CTNND2: variants seen among roughly 807,000 people sequenced by gnomAD.
The protein encoded by CTNND2 is catenin delta-2.
Under a neutral mutation model 144.4 loss-of-function variants are expected in CTNND2, and 22 were observed. That is an observed-to-expected ratio of 0.15 (90% confidence interval 0.11 to 0.22). CTNND2 has a LOEUF of 0.22. Ranked by LOEUF, CTNND2 falls within the 10% of genes least tolerant of loss-of-function variation. The pLI, the probability that CTNND2 is intolerant of heterozygous loss-of-function variation, is 1.00. For synonymous variants in CTNND2, 751 were observed against 695.6 expected (o/e 1.08, Z -1.25); for missense variants, 1,353 against 1,618.8 (o/e 0.84, Z 2.82).
chr5:11,569,261 A>G (rs768365822), intron 2 of CTNND2, among the ~76,000 whole-genome samples: 87 of 152,334 alleles, frequency 5.7e-4, no homozygotes, highest in South Asian at 1.0e-3. Context: ...GAGCAGTGTT[A>G]GAAAGCCTAA....
At position 11,315,993 on chromosome 5, in the gene CTNND2, G is replaced by T. The variant is rs548743158; in HGVS notation, c.1628+30379C>A. On this transcript the variant is annotated intron_variant, in intron 9 of 21. Transcript: ENST00000304623. ...GGATTAAAATGCCTGTTGAGACCAA[G>T]AGGAAAAGAGCATTTATCCTGTTAA... 1.6e-3 allele frequency among the ~76,000 whole-genome samples: 240 copies of T among 152,294 alleles called. 1 individual carries two copies. Among genetic ancestry groups the T allele is most frequent in the African/African-American group, 5.5e-3 (229 of 41,556 alleles).
chr5:11,145,022 A>C (rs1214984285), intron 12 of CTNND2, among the ~76,000 whole-genome samples: 1 of 152,096 alleles, frequency 6.6e-6, no homozygotes, highest in Non-Finnish European at 1.5e-5. Context: ...ATTTATGTGC[A>C]TGACTGCAGG....
At chr5:11,674,363 T>G (rs10060031) in intron 2 of CTNND2, among the ~76,000 whole-genome samples, 27,347 of 152,154 alleles carry the variant, frequency 0.18, 4,301 homozygotes, top group African/African-American at 0.42. Context: ...CTTAACTTAT[T>G]AATTTTAGCG....
rs532129539 is a variant in CTNND2 at position 11,777,349 on chromosome 5, A to G, written c.38-45077T>C. On this transcript the variant is annotated intron_variant, in intron 1 of 21. Transcript: ENST00000304623. ...CTAGAACCATCACAGTCCATTGACT[A>G]TTGGTTATAAAACACTTCTTCAGTC... is the stretch of plus-strand genomic sequence containing the variant. Among the ~76,000 whole-genome samples, 3 of 152,352 alleles carry G rather than the reference A, an allele frequency of 2.0e-5. No homozygotes were observed. In the South Asian group the frequency reaches 6.2e-4, roughly 32 times the overall value.
chr5:11,164,393 T>C (rs1759093769), intron 11 of CTNND2, among the ~76,000 whole-genome samples: 2 of 152,216 alleles, frequency 1.3e-5, no homozygotes, highest in African/African-American at 4.8e-5. Context: ...CTTCCTATGG[T>C]AGCCTCATGA....
At chr5:11,102,099 T>G (rs41505844) in intron 14 of CTNND2, among the ~76,000 whole-genome samples, 2,557 of 152,308 alleles carry the variant, frequency 0.017, 46 homozygotes, top group African/African-American at 0.048. Context: ...CTCAGAATTT[T>G]ACTCCTTATG....
intron 12 of CTNND2, among the ~76,000 whole-genome samples, chr5:11,129,175 ATT>A (rs1308910058): frequency 3.7e-4 from 7 of 19,126 alleles, no homozygotes; most frequent in Admixed American, 1.0e-3. Flanking sequence ...TATATTATAT[ATT>A]TTATATATAA....
At chr5:11,085,189 G>A (rs1300579680) in intron 15 of CTNND2, among the ~76,000 whole-genome samples, 3 of 152,190 alleles carry the variant, frequency 2.0e-5, no homozygotes, top group Admixed American at 6.5e-5. Context: ...AACAAAAAAG[G>A]CTACTTAGGA....
intron 1 of CTNND2, among the ~76,000 whole-genome samples, chr5:11,776,292 A>G (rs964495533): frequency 6.6e-6 from 1 of 152,186 alleles, no homozygotes; most frequent in African/African-American, 2.4e-5. Context: ...CTCATCAGCC[A>G]GTGAGTGAGA....
intron 2 of CTNND2, among the ~76,000 whole-genome samples, chr5:11,618,737 A>C (rs1780696087): frequency 6.6e-6 from 1 of 152,174 alleles, no homozygotes; most frequent in Admixed American, 6.5e-5. Flanking sequence ...ATTCTACTCA[A>C]AGCAAACACT....
intron 2 of CTNND2, among the ~76,000 whole-genome samples, chr5:11,626,566 T>A (rs1020275449): frequency 3.3e-5 from 5 of 152,128 alleles, no homozygotes; most frequent in Admixed American, 2.0e-4. Context: ...AGTGGTTGAG[T>A]CCTGGAATGT....
intron 9 of CTNND2, among the ~76,000 whole-genome samples, chr5:11,261,594 A>G (rs1744863247): frequency 6.6e-6 from 1 of 152,248 alleles, no homozygotes; most frequent in South Asian, 2.1e-4. Context: ...ACCAAGGGTC[A>G]TGTGTTTCTC....
At position 11,443,235 on chromosome 5, in the gene CTNND2, GA is replaced by G. The variant is rs1464910870; in HGVS notation, c.288-31167del. Among the ~76,000 whole-genome samples the G allele has an allele frequency of 5.2e-4, 53 of 102,044 alleles. No homozygotes were observed. The South Asian group carries it at 0.01, about 19-fold the overall frequency. The allele number at this position is 102,044 out of a possible 152,430, so 66.9% of individuals were successfully genotyped here. On this transcript the variant is annotated intron_variant, in intron 3 of 21. Transcript: ENST00000304623. Reference sequence around the variant, plus strand: ...GTGTGTGTGGTGTGTATGTGTGTGTGATGTGTGTGTGTGTGTGCTGTGTGTG... The same window carrying G: ...GTGTGTGTGGTGTGTATGTGTGTGTGTGTGTGTGTGTGTGTGCTGTGTGTG...
At chr5:11,385,866 T>TG (rs1554047392) in intron 6 of CTNND2, 8 of 151,122 alleles carry the variant, frequency 5.3e-5, no homozygotes, top group East Asian at 1.9e-4. Context: ...TTTTCAGCAT[T>TG]AAAAAAAAAT....
intron 1 of CTNND2, among the ~76,000 whole-genome samples, chr5:11,845,547 C>G (rs186401196): frequency 3.0e-4 from 46 of 152,242 alleles, no homozygotes; most frequent in Non-Finnish European, 3.8e-4. Flanking sequence ...GACACAAAAG[C>G]AAAGAAACAG....
intron 18 of CTNND2, among the ~76,000 whole-genome samples, chr5:10,993,035 T>G (rs1738884376): frequency 6.6e-6 from 1 of 152,184 alleles, no homozygotes; most frequent in Admixed American, 6.5e-5. Context: ...CAGCTCTGCC[T>G]GGCTCCCTCT....
chr5:11,029,326 G>A (rs1431030309), intron 16 of CTNND2, among the ~76,000 whole-genome samples: 1 of 152,020 alleles, frequency 6.6e-6, no homozygotes, highest in Non-Finnish European at 1.5e-5. Flanking sequence ...GCGTTTTTCT[G>A]TTTTCTATAT....
intron 9 of CTNND2, among the ~76,000 whole-genome samples, chr5:11,339,899 T>C (rs761843433): frequency 6.6e-5 from 10 of 152,360 alleles, no homozygotes; most frequent in South Asian, 4.1e-4. Context: ...GTAGCCCTAA[T>C]GGGCTAAGAC....
intron 11 of CTNND2, among the ~76,000 whole-genome samples, chr5:11,190,731 G>C (rs1736152434): frequency 6.6e-6 from 1 of 152,186 alleles, no homozygotes; most frequent in Admixed American, 6.5e-5. Flanking sequence ...TCCAGCACAG[G>C]TAGAGTTGAG....
Sources: gnomAD v4.1 joint callset for allele counts (sites outside exome capture counted in the v4.1 genomes callset) on GRCh38, gnomAD v4.1.1 for gene constraint, MANE v1.5 for transcripts, NCBI Gene and HGNC (gene_info 2026-07-23, HGNC 2026-07-21) for gene names.